COL14A1: variants seen among roughly 807,000 people sequenced by gnomAD.
The protein encoded by COL14A1 is collagen alpha-1(XIV) chain.
A neutral mutation model predicts 230.3 loss-of-function variants in COL14A1; 136 were observed. The ratio of observed to expected loss-of-function variants is 0.59; its 90% CI spans 0.51 to 0.68. The LOEUF is 0.68. Ranked by LOEUF, COL14A1 falls within the 30% of genes least tolerant of loss-of-function variation. COL14A1 has a pLI of 0.00. For synonymous variants in COL14A1, 792 were observed against 784.1 expected (o/e 1.01, Z -0.17); for missense variants, 1,976 against 2,215.8 (o/e 0.89, Z 2.17).
At chr8:120,250,267 T>G (rs1044529012) in intron 21 of COL14A1, among the ~76,000 whole-genome samples, 1 of 152,216 alleles carries the variant, frequency 6.6e-6, no homozygotes, top group Admixed American at 6.5e-5. Context: ...TTGGTTACCT[T>G]AGAAGGGACA....
chr8:120,267,032 T>C (rs536392885), intron 25 of COL14A1, 149 bp downstream of exon 25: 29 of 638,818 alleles, frequency 4.5e-5, no homozygotes, highest in African/African-American at 1.7e-4. Context: ...TCAACCATGA[T>C]GGGCTTGAAT....
rs375256965 is a variant in COL14A1, at chr8:120,262,966, A to G, written c.2968A>G (p.Lys990Glu). The G allele has an allele frequency of 5.0e-6, 8 of 1,613,306 alleles. No individual in the cohort carries two copies. Among genetic ancestry groups the G allele is most frequent in the Non-Finnish European group, 6.8e-6 (8 of 1,179,740 alleles). ...TGAATATAAAATCAGTGTTTATACA[A>G]AGCTCCAGGAGATTGAAGGACCTAG... is the stretch of plus-strand genomic sequence containing the variant. ...DSEYKISVYT[K>E]LQEIEGPSVS... Residue 990 changes from lysine to glutamate, a missense_variant, in exon 24 of 48, where the codon AAG (lysine) becomes GAG (glutamate). Physicochemically the swap from Lys to Glu is moderately conservative, Grantham distance 56. Around this residue, in one of 3 missense-constraint regions of COL14A1, gnomAD observed 1,791 missense variants for 2,019.5 expected, o/e 0.89. Coordinates refer to ENST00000297848, the MANE Select transcript of COL14A1 (RefSeq NM_021110.4).
At chr8:120,255,809 T>G (rs1165663133) in intron 23 of COL14A1, among the ~76,000 whole-genome samples, 1 of 151,932 alleles carries the variant, frequency 6.6e-6, no homozygotes, top group Non-Finnish European at 1.5e-5. Flanking sequence ...TGGGGATAAT[T>G]GGTGAACAAC....
intron 5 of COL14A1, among the ~76,000 whole-genome samples, chr8:120,178,582 G>A (rs886654981): frequency 2.0e-5 from 3 of 152,134 alleles, no homozygotes; most frequent in Non-Finnish European, 4.4e-5. Context: ...AATGCTTTGG[G>A]TATATACCCA....
chr8:120,225,133 C>A lies in COL14A1; in HGVS notation c.1783C>A (p.Pro595Thr). The change falls in exon 15 of 48, where the codon CCT (proline) becomes ACT (threonine). Residue 595 changes from proline (P) to threonine (T), a missense_variant. Pro to Thr is a conservative substitution (Grantham distance 38). Transcript: ENST00000297848. ...ITTFPLKGLT[P>T]LTEYTIAIFS... ...TACCTTCCCTCTGAAGGGCTTGACA[C>A]CTCTCACAGAGTATACTATTGCTAT... 5 of 1,612,594 alleles carry A rather than the reference C, an allele frequency of 3.1e-6. No individual in the cohort carries two copies. The highest frequency in any genetic ancestry group is 4.2e-6 in the Non-Finnish European group (5 of 1,179,434).
In COL14A1 at chr8:120,369,338, G is replaced by A; in HGVS notation, c.5164G>A (p.Gly1722Arg). Residue 1722 changes from glycine to arginine, a missense_variant, in exon 47 of 48, where the codon GGG becomes AGG. Around this residue, in one of 3 missense-constraint regions of COL14A1, gnomAD observed 1,791 missense variants for 2,019.5 expected, o/e 0.89. Transcript: ENST00000297848. ...CTGTGGGTACTTCTTAGGACCTTCA[G>A]GGGAGAGTCGGCCTGGCAGCCCTGG... ...RGPPGPAGPSGESRPGSPGPP... is the reference protein window; with the variant it reads ...RGPPGPAGPSRESRPGSPGPP... 1 of 1,586,118 alleles carries A rather than the reference G, an allele frequency of 6.3e-7. No individual in the cohort carries two copies. Among genetic ancestry groups the A allele is most frequent in the South Asian group, 1.2e-5 (1 of 86,642 alleles).
chr8:120,161,478 T>C (rs1467246651), intron 3 of COL14A1, among the ~76,000 whole-genome samples: 1 of 152,160 alleles, frequency 6.6e-6, no homozygotes, highest in African/African-American at 2.4e-5. Context: ...TTGAAATCTT[T>C]TCATGAACCA....
chr8:120,350,872 C>T (rs1486856029), intron 45 of COL14A1, among the ~76,000 whole-genome samples: 3 of 151,650 alleles, frequency 2.0e-5, no homozygotes, highest in African/African-American at 7.3e-5. Flanking sequence ...GAACTCAGCT[C>T]TGCACCAAGC....
At chr8:120,193,627 G>T (rs1038768285) in intron 5 of COL14A1, among the ~76,000 whole-genome samples, 4 of 152,156 alleles carry the variant, frequency 2.6e-5, no homozygotes, top group Non-Finnish European at 5.9e-5. Context: ...CTGTCTTTTT[G>T]TTTGTCTGTG....
intron 36 of COL14A1, among the ~76,000 whole-genome samples, chr8:120,304,006 A>G (rs1461728888): frequency 2.0e-5 from 3 of 152,064 alleles, no homozygotes; most frequent in African/African-American, 7.2e-5. Context: ...CATCTCTTCT[A>G]GGTTTTCTAG....
chr8:120,333,222 G>A (rs1821931007), intron 42 of COL14A1, among the ~76,000 whole-genome samples: 2 of 152,330 alleles, frequency 1.3e-5, no homozygotes, highest in South Asian at 4.1e-4. Flanking sequence ...ATAATGAACA[G>A]AATTCTTTGC....
At chr8:120,137,244 T>C (rs1354693628) in intron 1 of COL14A1, among the ~76,000 whole-genome samples, 3 of 152,158 alleles carry the variant, frequency 2.0e-5, no homozygotes, top group African/African-American at 4.8e-5. Flanking sequence ...TTGTTGGGAT[T>C]ATTGGCAAAA....
At chr8:120,255,583 T>G (rs539285601) in intron 23 of COL14A1, among the ~76,000 whole-genome samples, 1 of 152,306 alleles carries the variant, frequency 6.6e-6, no homozygotes, top group South Asian at 2.1e-4. Context: ...ATAGCCATAG[T>G]GCTGATTTTT....
intron 21 of COL14A1, 123 bp downstream of exon 21, chr8:120,247,858 C>A: frequency 1.7e-6 from 2 of 1,188,458 alleles, no homozygotes; most frequent in South Asian, 1.5e-5. Context: ...GTAGGGAGAA[C>A]CTCTTACTTG....
chr8:120,140,183 C>A (rs1035046247), intron 1 of COL14A1, among the ~76,000 whole-genome samples: 6 of 152,238 alleles, frequency 3.9e-5, no homozygotes, highest in Admixed American at 3.3e-4. Context: ...GTGGCTTCCT[C>A]ACTCACAATT....
intron 22 of COL14A1, among the ~76,000 whole-genome samples, chr8:120,253,272 G>A (rs1439845125): frequency 1.3e-5 from 2 of 152,102 alleles, no homozygotes; most frequent in Admixed American, 1.3e-4. Context: ...GCCTCTCAAA[G>A]TGCTGGGATT....
chr8:120,217,419 A>G (rs552578677), intron 14 of COL14A1, among the ~76,000 whole-genome samples: 1 of 152,276 alleles, frequency 6.6e-6, no homozygotes, highest in South Asian at 2.1e-4. Flanking sequence ...ATTTTCCCTT[A>G]TCTTGGTCCA....
At chr8:120,363,805 G>A (rs1823312044) in intron 45 of COL14A1, among the ~76,000 whole-genome samples, 1 of 152,188 alleles carries the variant, frequency 6.6e-6, no homozygotes, top group Non-Finnish European at 1.5e-5. Flanking sequence ...AAGGATCGCA[G>A]TTACTAAGAA....
At position 120,349,025 on chromosome 8, in the gene COL14A1, C is replaced by T. The variant is rs914049174; in HGVS notation, c.5077+3462C>T. 1.4e-4 allele frequency among the ~76,000 whole-genome samples: 22 copies of T among 152,274 alleles called. No homozygotes were observed. In the South Asian group the frequency reaches 2.3e-3, roughly 16 times the overall value. On this transcript the variant is annotated intron_variant, in intron 45 of 47. Coordinates refer to ENST00000297848, the MANE Select transcript of COL14A1 (RefSeq NM_021110.4). ...GAAGGGAGCAGTGGTTCTCCCAGCA[C>T]GCAGCTGGAGATCTGAGAACCGGCA... is the stretch of plus-strand genomic sequence containing the variant.
Sources: allele counts gnomAD v4.1 joint callset (sites outside exome capture counted in the v4.1 genomes callset), GRCh38; gene constraint gnomAD v4.1.1; regional missense constraint gnomAD v4.1.1; transcripts MANE v1.5; gene names NCBI Gene and HGNC (gene_info 2026-07-23, HGNC 2026-07-21).